SLC25A21: variants seen among roughly 807,000 people sequenced by gnomAD.
The protein encoded by SLC25A21 is mitochondrial 2-oxodicarboxylate carrier.
SLC25A21 carries 47 observed loss-of-function variants against 43.8 expected under a neutral mutation model. That is an observed-to-expected ratio of 1.07 (90% confidence interval 0.85 to 1.37). SLC25A21 has a LOEUF of 1.37. Among genes scored for constraint, SLC25A21 ranks in the 40% most tolerant of loss-of-function variants. SLC25A21 has a pLI of 0.00. For missense variants in SLC25A21, 352 were observed against 350.2 expected (o/e 1.00, Z -0.04); for synonymous variants, 131 against 121.3 (o/e 1.08, Z -0.52).
intron 1 of SLC25A21, among the ~76,000 whole-genome samples, chr14:37,017,993 T>C (rs1483438932): frequency 6.6e-6 from 1 of 151,954 alleles, no homozygotes; most frequent in Non-Finnish European, 1.5e-5. Flanking sequence ...CTTACAGAAA[T>C]ACTTGTAAAC....
chr14:36,729,618 C>T (rs1312844029), intron 4 of SLC25A21, 52 bp from the exon 5 acceptor site: 1 of 1,468,930 alleles, frequency 6.8e-7, no homozygotes, highest in Admixed American at 2.0e-5. Context: ...CTGCAACAAA[C>T]TCTTTAATTG....
At chr14:36,862,813 A>C (rs1044652601) in intron 2 of SLC25A21, among the ~76,000 whole-genome samples, 2 of 152,184 alleles carry the variant, frequency 1.3e-5, no homozygotes, top group African/African-American at 4.8e-5. Flanking sequence ...ACTTAGAAAA[A>C]TATCCCGTTT....
chr14:37,122,427 C>G (rs1439129092), intron 1 of SLC25A21, among the ~76,000 whole-genome samples: 1 of 152,188 alleles, frequency 6.6e-6, no homozygotes, highest in Admixed American at 6.5e-5. Flanking sequence ...TACCATGAGT[C>G]AGGCTCTATG....
chr14:36,786,644 C>CT (rs1887260783), intron 3 of SLC25A21, among the ~76,000 whole-genome samples: 1 of 152,190 alleles, frequency 6.6e-6, no homozygotes, highest in African/African-American at 2.4e-5. Context: ...TGAAATCACT[C>CT]TAATTTTTTT....
chr14:37,162,706 G>C (rs1963966210), intron 1 of SLC25A21, among the ~76,000 whole-genome samples: 1 of 152,188 alleles, frequency 6.6e-6, no homozygotes, highest in Non-Finnish European at 1.5e-5. Flanking sequence ...CTGTAAACTA[G>C]TTCAACCACT....
At chr14:36,806,074 A>G (rs1652247) in intron 3 of SLC25A21, among the ~76,000 whole-genome samples, 62,034 of 139,184 alleles carry the variant, frequency 0.45, 13,409 homozygotes, top group East Asian at 0.72. Context: ...AAATTAGCTG[A>G]GTGTGGTGGC....
intron 1 of SLC25A21, among the ~76,000 whole-genome samples, chr14:36,955,998 T>C (rs768887169): frequency 3.3e-5 from 5 of 152,198 alleles, no homozygotes; most frequent in Non-Finnish European, 5.9e-5. Context: ...TCACTGTACA[T>C]TAATGTTCTG....
chr14:36,844,820 C>T (rs1889492744), intron 2 of SLC25A21, among the ~76,000 whole-genome samples: 1 of 152,198 alleles, frequency 6.6e-6, no homozygotes, highest in South Asian at 2.1e-4. Context: ...GAATGCTGGT[C>T]ATTTTTAATC....
intron 1 of SLC25A21, among the ~76,000 whole-genome samples, chr14:37,137,136 T>C (rs566589680): frequency 6.6e-6 from 1 of 152,322 alleles, no homozygotes; most frequent in South Asian, 2.1e-4. Context: ...TAGCTGGGAC[T>C]ACAGGCGCCC....
chr14:37,095,006 T>A (rs1962659979), intron 1 of SLC25A21, among the ~76,000 whole-genome samples: 1 of 152,208 alleles, frequency 6.6e-6, no homozygotes, highest in South Asian at 2.1e-4. Context: ...TGAAATGATA[T>A]ATATGTTAAT....
intron 3 of SLC25A21, among the ~76,000 whole-genome samples, chr14:36,781,799 T>C (rs576624768): frequency 1.3e-5 from 2 of 152,344 alleles, no homozygotes; most frequent in African/African-American, 4.8e-5. Flanking sequence ...ATTGGAGTAT[T>C]CTGAATTTGA....
chr14:37,057,431 T>A (rs754234984), intron 1 of SLC25A21, among the ~76,000 whole-genome samples: 1 of 152,226 alleles, frequency 6.6e-6, no homozygotes, highest in Non-Finnish European at 1.5e-5. Context: ...ATTGTTATAA[T>A]TGGAGGATTT....
rs118130021 is a variant in SLC25A21 at position 36,953,583 on chromosome 14, T to G, written c.71-78579A>C. Among the ~76,000 whole-genome samples the G allele has an allele frequency of 9.4e-3, 1,429 of 152,358 alleles. 47 individuals are homozygous for G. The highest frequency in any genetic ancestry group is 0.062 in the East Asian group (324 of 5,192). The stretch of plus-strand genomic sequence containing the variant: ...AGAGGTAAAAATTCTTAGATAATTT[T>G]CTTTATTTCATATCGCAAACAAATG... On this transcript the variant is annotated intron_variant, in intron 1 of 9. Transcript: ENST00000331299.
chr14:36,912,771 T>C (rs2138613923), intron 1 of SLC25A21, among the ~76,000 whole-genome samples: 1 of 152,328 alleles, frequency 6.6e-6, no homozygotes, highest in East Asian at 1.9e-4. Context: ...CAATTCCACC[T>C]AACTTGGACT....
intron 1 of SLC25A21, among the ~76,000 whole-genome samples, chr14:37,064,737 T>C (rs1962025332): frequency 6.6e-6 from 1 of 152,218 alleles, no homozygotes. Context: ...TACTGCTCAT[T>C]CTGTCCCTTA....
At chr14:37,080,072 C>T (rs77670536) in intron 1 of SLC25A21, among the ~76,000 whole-genome samples, 4,484 of 152,204 alleles carry the variant, frequency 0.029, 244 homozygotes, top group East Asian at 0.26. Flanking sequence ...TTGGACTTCC[C>T]AGCGTACAGA....
At chr14:36,874,819 T>G in intron 2 of SLC25A21, 137 bp downstream of exon 2, 2 of 588,786 alleles carry the variant, frequency 3.4e-6, no homozygotes, top group Non-Finnish European at 5.8e-6. Context: ...CAAATAGTAC[T>G]TTCTTTAGAA....
intron 4 of SLC25A21, among the ~76,000 whole-genome samples, 163 bp from the exon 5 acceptor site, chr14:36,729,729 ATCTT>A (rs1884747556): frequency 6.6e-6 from 1 of 152,206 alleles, no homozygotes. Flanking sequence ...TTGCTATTGG[ATCTT>A]TCTTTAACAT....
chr14:36,761,361 G>A (rs1194586692), intron 3 of SLC25A21, among the ~76,000 whole-genome samples: 1 of 152,206 alleles, frequency 6.6e-6, no homozygotes, highest in Non-Finnish European at 1.5e-5. Context: ...TTCCTCGAAG[G>A]GGCTGTGACT....
Sources: allele counts gnomAD v4.1 joint callset (sites outside exome capture counted in the v4.1 genomes callset), GRCh38; gene constraint gnomAD v4.1.1; transcripts MANE v1.5; gene names NCBI Gene and HGNC (gene_info 2026-07-23, HGNC 2026-07-21).